The following CCSER2 variants were observed in gnomAD, a reference collection of about 807,000 sequenced individuals.
The protein encoded by CCSER2 is serine-rich coiled-coil domain-containing protein 2.
In CCSER2, 46 loss-of-function variants were observed where a neutral mutation model predicts 92.3. The ratio of observed to expected loss-of-function variants is 0.50; its 90% confidence interval spans 0.39 to 0.64. The LOEUF (loss-of-function observed/expected upper bound fraction) is 0.64, where lower values mean the gene tolerates loss of function less well. Among genes scored for constraint, CCSER2 ranks in the 30% least tolerant of loss-of-function variants. The pLI, the probability that CCSER2 is intolerant of heterozygous loss-of-function variation, is 0.00. For missense variants in CCSER2, 1,244 were observed against 1,238.9 expected, an observed-to-expected ratio of 1.00 and a Z score of -0.06; for synonymous variants, 433 against 431.4, an observed-to-expected ratio of 1.00 and a Z score of -0.04.
intron 1 of CCSER2, among the ~76,000 whole-genome samples, chr10:84,364,748 T>G (rs967639796): frequency 2.0e-5 from 3 of 149,874 alleles, no homozygotes; most frequent in African/African-American, 7.3e-5. Flanking sequence ...TTTTTTTTGT[T>G]TTTTTTTTTT....
In CCSER2 at chr10:84,515,124, T is replaced by G. The variant is rs948392710; in HGVS notation, c.*857T>G. The G allele has an allele frequency of 3.3e-5, 5 of 152,642 alleles. No individual in the cohort carries two copies. Among genetic ancestry groups the G allele is most frequent in the African/African-American group, 1.2e-4 (5 of 41,468 alleles). The allele number at this position is 152,642 out of a possible 1,614,324, so 9.5% of individuals were successfully genotyped here. A position where few individuals can be genotyped will look rare whatever the true frequency, so the allele number is the denominator to read the frequency against. On this transcript the variant is annotated 3_prime_UTR_variant, in exon 10 of 10. Coordinates refer to ENST00000372088, the MANE Select transcript of CCSER2 (RefSeq NM_001284240.2). ...TTGCTGGTAATTCAGGCTTGAACCC[T>G]TAGGCTTGTGGATCCATGATAGCCA...
At position 84,372,158 on chromosome 10, in the gene CCSER2, A is replaced by G; in HGVS notation, c.1106A>G (p.Glu369Gly). The G allele has an allele frequency of 6.2e-7, 1 of 1,613,670 alleles. No individual in the cohort carries two copies. Among genetic ancestry groups the G allele is most frequent in the Non-Finnish European group, 8.5e-7 (1 of 1,179,808 alleles). The change falls in exon 2 of 10, where the codon GAA becomes GGA. Residue 369 changes from glutamate to glycine, a missense_variant. Coordinates refer to ENST00000372088, the MANE Select transcript of CCSER2 (RefSeq NM_001284240.2). ...RAANKDQELI[E>G]NESYRTKNNQ... is the part of the protein sequence containing the mutation. ...GCTAATAAGGACCAAGAACTGATTG[A>G]AAATGAAAGTTATAGAACAAAAAAC...
chr10:84,476,200 G>T (rs1390950111), intron 8 of CCSER2, among the ~76,000 whole-genome samples: 1 of 152,050 alleles, frequency 6.6e-6, no homozygotes. Context: ...CTCTATGATA[G>T]ACATTTTTGT....
chr10:84,462,142 A>C (rs111749064), intron 6 of CCSER2, among the ~76,000 whole-genome samples: 16 of 152,340 alleles, frequency 1.1e-4, no homozygotes, highest in African/African-American at 3.8e-4. Flanking sequence ...ATCAGATCCA[A>C]GCAAGTGCTG....
chr10:84,444,890 A>C (rs1012662153), intron 6 of CCSER2, among the ~76,000 whole-genome samples: 2 of 152,210 alleles, frequency 1.3e-5, no homozygotes, highest in African/African-American at 4.8e-5. Flanking sequence ...TCATCACAAC[A>C]TCATTATGGG....
intron 1 of CCSER2, among the ~76,000 whole-genome samples, chr10:84,329,277 G>T (rs553278199): frequency 6.6e-6 from 1 of 152,230 alleles, no homozygotes; most frequent in African/African-American, 2.4e-5. Context: ...CGTAGGTTCA[G>T]ATCTTCTCTC....
intron 4 of CCSER2, 21 bp from the exon 5 acceptor site, chr10:84,425,708 CTT>C: frequency 6.5e-7 from 1 of 1,548,054 alleles, no homozygotes; most frequent in Non-Finnish European, 8.8e-7. Context: ...TGTTTATAGT[CTT>C]TTGCTTTTGA....
chr10:84,466,877 G>A (rs1435019405), intron 7 of CCSER2, among the ~76,000 whole-genome samples: 1 of 152,040 alleles, frequency 6.6e-6, no homozygotes, highest in Non-Finnish European at 1.5e-5. Flanking sequence ...AGTTACAGGG[G>A]AAAAGTGTCC....
At chr10:84,510,631 C>T (rs1849300230) in intron 9 of CCSER2, among the ~76,000 whole-genome samples, 1 of 152,178 alleles carries the variant, frequency 6.6e-6, no homozygotes, top group African/African-American at 2.4e-5. Flanking sequence ...ACCATAGAAG[C>T]AGCAGTGGAT....
chr10:84,414,661 G>A (rs1462779827), intron 3 of CCSER2, among the ~76,000 whole-genome samples: 2 of 151,782 alleles, frequency 1.3e-5, no homozygotes, highest in African/African-American at 4.8e-5. Context: ...TCTTATTGGG[G>A]TTCTCTGCAG....
intron 7 of CCSER2, 67 bp downstream of exon 7, chr10:84,464,083 A>T: frequency 2.6e-6 from 2 of 764,758 alleles, no homozygotes; most frequent in South Asian, 1.7e-5. Flanking sequence ...TGATACAATG[A>T]CAATGAAAAC....
At chr10:84,421,779 A>C (rs1162346334) in intron 4 of CCSER2, among the ~76,000 whole-genome samples, 2 of 152,206 alleles carry the variant, frequency 1.3e-5, no homozygotes, top group Non-Finnish European at 2.9e-5. Context: ...AAAATGGTAC[A>C]TGACACGGGA....
chr10:84,402,060 C>G (rs958015149), intron 3 of CCSER2, among the ~76,000 whole-genome samples: 1 of 152,196 alleles, frequency 6.6e-6, no homozygotes, highest in African/African-American at 2.4e-5. Flanking sequence ...TTGCCAAACT[C>G]TTTTTCTCTC....
intron 1 of CCSER2, among the ~76,000 whole-genome samples, chr10:84,356,365 TA>T (rs1845171590): frequency 6.6e-6 from 1 of 152,200 alleles, no homozygotes; most frequent in Non-Finnish European, 1.5e-5. Flanking sequence ...TTTTTACTTT[TA>T]AAAAATGTTA....
intron 3 of CCSER2, among the ~76,000 whole-genome samples, chr10:84,394,382 A>AGT (rs879520976): frequency 8.0e-3 from 732 of 91,256 alleles, no homozygotes; most frequent in Non-Finnish European, 0.014. Context: ...ACAAAAGGAA[A>AGT]GTATGTGTGT....
At chr10:84,445,538 T>G (rs981316456) in intron 6 of CCSER2, among the ~76,000 whole-genome samples, 1 of 152,192 alleles carries the variant, frequency 6.6e-6, no homozygotes, top group Admixed American at 6.5e-5. Context: ...AATTAATAAG[T>G]ATTTATCTTA....
intron 9 of CCSER2, among the ~76,000 whole-genome samples, chr10:84,482,754 G>A (rs1244503222): frequency 5.9e-5 from 9 of 152,124 alleles, no homozygotes; most frequent in Non-Finnish European, 1.0e-4. Flanking sequence ...GAACAGGTTA[G>A]ACCCAAAGGA....
chr10:84,364,160 G>A (rs1457928517), intron 1 of CCSER2, among the ~76,000 whole-genome samples: 1 of 152,226 alleles, frequency 6.6e-6, no homozygotes, highest in Non-Finnish European at 1.5e-5. Flanking sequence ...GAGTTAGTGA[G>A]TGAGTGGTGA....
chr10:84,424,980 C>T (rs1843350342), intron 4 of CCSER2: 3 of 984,912 alleles, frequency 3.0e-6, no homozygotes, highest in East Asian at 1.1e-4. Context: ...CAGCCGGTAA[C>T]ACAATGTCTC....
Sources: gnomAD v4.1 joint callset for allele counts (sites outside exome capture counted in the v4.1 genomes callset) on GRCh38, gnomAD v4.1.1 for gene constraint, MANE v1.5 for transcripts, NCBI Gene and HGNC (gene_info 2026-07-23, HGNC 2026-07-21) for gene names.